Variants in IQCK observed in about 807,000 individuals in gnomAD.
The protein encoded by IQCK is IQ motif containing K, also known as IQ domain-containing protein K.
Under a neutral mutation model 28.1 loss-of-function variants are expected in IQCK, and 29 were observed. That is an observed-to-expected ratio of 1.03 (90% CI 0.77 to 1.41). The LOEUF is 1.41. IQCK is among the 40% of genes most tolerant of loss of function. The pLI is 0.00. For missense variants in IQCK, 359 were observed against 314.7 expected (o/e 1.14, Z -1.07); for synonymous variants, 113 against 115.1 (o/e 0.98, Z 0.12).
chr16:19,812,843 A>G (rs11647196), intron 7 of IQCK, among the ~76,000 whole-genome samples: 46,708 of 149,894 alleles, frequency 0.31, 10,946 homozygotes, highest in African/African-American at 0.66. Flanking sequence ...AGAAAAAGGT[A>G]GGGGGGGAAA....
intron 1 of IQCK, among the ~76,000 whole-genome samples, chr16:19,726,256 T>G (rs1977653019): frequency 6.6e-6 from 1 of 152,166 alleles, no homozygotes; most frequent in Non-Finnish European, 1.5e-5. Flanking sequence ...TGATAGCAAG[T>G]AATAAAGAAA....
intron 1 of IQCK, among the ~76,000 whole-genome samples, chr16:19,720,863 A>T (rs1977470797): frequency 6.6e-6 from 1 of 152,154 alleles, no homozygotes; most frequent in Non-Finnish European, 1.5e-5. Flanking sequence ...CTAAAAATAT[A>T]AAAACTAAGT....
intron 6 of IQCK, among the ~76,000 whole-genome samples, chr16:19,768,214 G>C (rs2055269838): frequency 6.6e-6 from 1 of 152,078 alleles, no homozygotes; most frequent in Admixed American, 6.6e-5. Flanking sequence ...TACTAAAGCT[G>C]GGAGCCCACA....
exon 10 of IQCK, chr16:19,856,655 C>A: frequency 1.1e-6 from 1 of 875,360 alleles, no homozygotes; most frequent in Non-Finnish European, 1.9e-6. Context: ...AGACTTGGAA[C>A]ATGTGCAAAT....
intron 9 of IQCK, among the ~76,000 whole-genome samples, chr16:19,851,833 C>G (rs994459446): frequency 6.6e-6 from 1 of 152,196 alleles, no homozygotes; most frequent in Admixed American, 6.5e-5. Context: ...TCCTGGCTTA[C>G]TTCTTCTCTC....
At chr16:19,733,108 A>G (rs984450001) in intron 2 of IQCK, among the ~76,000 whole-genome samples, 3 of 151,260 alleles carry the variant, frequency 2.0e-5, no homozygotes, top group Non-Finnish European at 4.4e-5. Flanking sequence ...TCCTCCTGTG[A>G]CTGTTACTTC....
intron 1 of IQCK, 93 bp downstream of exon 1, chr16:19,718,580 C>A: frequency 1.7e-6 from 2 of 1,180,772 alleles, no homozygotes; most frequent in Non-Finnish European, 2.2e-6. Context: ...TGTCGGCTGA[C>A]GGGCGGGGCC....
intron 4 of IQCK, among the ~76,000 whole-genome samples, chr16:19,737,501 G>A (rs558697448): frequency 4.6e-5 from 7 of 152,206 alleles, no homozygotes; most frequent in East Asian, 1.9e-4. Context: ...TTTGACAGGC[G>A]TCACCATGAC....
chr16:19,853,171 C>T (rs1027925299), intron 9 of IQCK, among the ~76,000 whole-genome samples: 3 of 152,116 alleles, frequency 2.0e-5, no homozygotes, highest in Admixed American at 1.3e-4. Flanking sequence ...CATTTGGTAA[C>T]GCCAAGCAGT....
chr16:19,767,426 GT>G (rs900757365), intron 6 of IQCK, among the ~76,000 whole-genome samples: 3 of 152,128 alleles, frequency 2.0e-5, no homozygotes, highest in African/African-American at 7.2e-5. Context: ...GGGCACCATG[GT>G]TTTTCCCATG....
chr16:19,767,871 C>G (rs1369140403), intron 6 of IQCK, among the ~76,000 whole-genome samples: 1 of 151,878 alleles, frequency 6.6e-6, no homozygotes, highest in Non-Finnish European at 1.5e-5. Flanking sequence ...CAGAGCGAGA[C>G]TCCATCTCAA....
At chr16:19,835,613 CT>C (rs1438162083) in intron 9 of IQCK, among the ~76,000 whole-genome samples, 1 of 142,402 alleles carries the variant, frequency 7.0e-6, no homozygotes, top group East Asian at 2.1e-4. Context: ...GAGACAGAGT[CT>C]TGCTCTGTCG....
rs1160831482 is a variant in IQCK at position 19,799,582 on chromosome 16, TTATATA to T, written c.690+10671_690+10676del. Among the ~76,000 whole-genome samples, 17 of 116,782 alleles carry T rather than the reference TTATATA, an allele frequency of 1.5e-4. 2 individuals are homozygous for T. The highest frequency in any genetic ancestry group is 7.2e-4 in the African/African-American group (16 of 22,218). 76.6% of individuals were successfully genotyped at this position (116,782 alleles called of 152,430 possible). The stretch of plus-strand genomic sequence containing the variant: ...CACCACACCTGGCCTATATTTTATT[TTATATA>T]TATATATATACACACACACACACAC... On this transcript the variant is annotated intron_variant, in intron 7 of 7. Coordinates refer to ENST00000564186, the Ensembl canonical transcript of IQCK.
intron 6 of IQCK, among the ~76,000 whole-genome samples, chr16:19,768,131 T>C (rs1344009168): frequency 6.6e-6 from 1 of 151,830 alleles, no homozygotes; most frequent in Non-Finnish European, 1.5e-5. Flanking sequence ...ATAATATAAT[T>C]GAGCCATTGC....
At chr16:19,839,789 G>A (rs971495261) in intron 9 of IQCK, among the ~76,000 whole-genome samples, 45 of 151,892 alleles carry the variant, frequency 3.0e-4, no homozygotes, top group African/African-American at 1.0e-3. Context: ...TGAAAAGTTC[G>A]AGACTAGCCT....
chr16:19,744,114 C>T (rs1169157358), intron 4 of IQCK, among the ~76,000 whole-genome samples: 1 of 152,074 alleles, frequency 6.6e-6, no homozygotes, highest in African/African-American at 2.4e-5. Context: ...GCCTGTTCCC[C>T]AAAAGCTATG....
At chr16:19,774,398 CTTTTTTTTT>C (rs1167894201) in intron 6 of IQCK, among the ~76,000 whole-genome samples, 1,938 of 104,098 alleles carry the variant, frequency 0.019, 41 homozygotes, top group African/African-American at 0.067. Context: ...TTAGCTAATA[CTTTTTTTTT>C]TTTTTTTTTT....
intron 9 of IQCK, among the ~76,000 whole-genome samples, chr16:19,846,752 T>C (rs2056419017): frequency 6.6e-6 from 1 of 152,206 alleles, no homozygotes; most frequent in Admixed American, 6.5e-5. Flanking sequence ...AATGTCAACA[T>C]GTATTTCTTT....
At chr16:19,737,368 A>T (rs144187583) in intron 4 of IQCK, among the ~76,000 whole-genome samples, 2 of 152,110 alleles carry the variant, frequency 1.3e-5, no homozygotes, top group Non-Finnish European at 2.9e-5. Flanking sequence ...CCCATGTTCT[A>T]GCAAATACCC....
Sources: gnomAD v4.1 joint callset for allele counts (sites outside exome capture counted in the v4.1 genomes callset) on GRCh38, gnomAD v4.1.1 for gene constraint, MANE v1.5 for transcripts, NCBI Gene and HGNC (gene_info 2026-07-23, HGNC 2026-07-21) for gene names.